FBXO44: variants seen among roughly 807,000 people sequenced by gnomAD.
FBXO44 encodes the protein F-box only protein 44.
In FBXO44, 25 loss-of-function variants were observed where a neutral mutation model predicts 33.5. The observed-to-expected ratio is 0.75, with a 90% CI of 0.54 to 1.04. The LOEUF (loss-of-function observed/expected upper bound fraction) is 1.04, where lower values mean the gene tolerates loss of function less well. FBXO44 is among the 50% of genes least tolerant of loss of function. The pLI is 0.00. For missense variants in FBXO44, 311 were observed against 344.0 expected (o/e 0.90, Z 0.76); for synonymous variants, 147 against 152.8 (o/e 0.96, Z 0.28).
rs1283679579 is a variant in FBXO44, at chr1:11,662,093, T to G, written c.*820T>G. 2 of 151,970 alleles carry G rather than the reference T, an allele frequency of 1.3e-5. No homozygotes were observed. The highest frequency in any genetic ancestry group is 2.4e-5 in the African/African-American group (1 of 41,340). 9.4% of individuals were successfully genotyped at this position (151,970 alleles called of 1,614,324 possible). On this transcript the variant is annotated 3_prime_UTR_variant, in exon 6 of 6. Coordinates refer to ENST00000251547, the MANE Select transcript of FBXO44 (RefSeq NM_033182.7). ...GGGTTTGAAGAATCCCCTGTCCACC[T>G]CCCAAATCCAGGCCCGGCCCCCTCT...
chr1:11,656,158 T>C (rs1013810523), intron 2 of FBXO44, 58 bp downstream of exon 2: 3 of 1,587,338 alleles, frequency 1.9e-6, no homozygotes, highest in Non-Finnish European at 2.6e-6. Flanking sequence ...ACCAGGAACA[T>C]GTATTGAGCA....
intron 3 of FBXO44, 28 bp from the exon 4 acceptor site, chr1:11,658,505 C>G (rs748800749): frequency 1.2e-5 from 19 of 1,607,646 alleles, no homozygotes; most frequent in Non-Finnish European, 1.4e-5. Context: ...GTGAGCCCAG[C>G]CCCTCCCACC....
rs963172147 is a variant in FBXO44, at chr1:11,656,367, G to A, written c.265+267G>A. Reference sequence around the variant, plus strand: ...GTTTCACTCTGTCACCCAGGCTGGAGTACAGTGACACAATCTTGGCTCACT... The same window carrying A: ...GTTTCACTCTGTCACCCAGGCTGGAATACAGTGACACAATCTTGGCTCACT... On this transcript the variant is annotated intron_variant, in intron 2 of 5. Coordinates refer to ENST00000251547, the MANE Select transcript of FBXO44 (RefSeq NM_033182.7). 2.2e-5 allele frequency among the ~76,000 whole-genome samples: 3 copies of A among 136,726 alleles called. 1 individual carries two copies. The highest frequency in any genetic ancestry group is 2.1e-4 in the East Asian group (1 of 4,716). The allele number at this position is 136,726 out of a possible 152,430, so 89.7% of individuals were successfully genotyped here. A position where few individuals can be genotyped will look rare whatever the true frequency, so the allele number is the denominator to read the frequency against.
At position 11,661,071 on chromosome 1, in the gene FBXO44, C is replaced by T. The variant is rs1033408419; in HGVS notation, c.625-59C>T. ...GTACTGGGATTCCCGGTGTGAGCCG[C>T]CACACCCAGCCTGAGTCAGCTCCCT... is the stretch of plus-strand genomic sequence containing the variant. On this transcript the variant is annotated intron_variant, in intron 5 of 5. Transcript: ENST00000251547. The surrounding 1 kb of genome is among the most constrained non-coding windows in gnomAD (Gnocchi z 4.4). 1 of 1,529,954 alleles carries T rather than the reference C, an allele frequency of 6.5e-7. No homozygotes were observed. The allele number at this position is 1,529,954 out of a possible 1,614,324, so 94.8% of individuals were successfully genotyped here. A position where few individuals can be genotyped will look rare whatever the true frequency, so the allele number is the denominator to read the frequency against.
chr1:11,655,750 T>C, intron 1 of FBXO44, 56 bp from the exon 2 acceptor site: 36 of 1,554,626 alleles, frequency 2.3e-5, no homozygotes, highest in Non-Finnish European at 3.0e-5. Context: ...GGCACCATGC[T>C]CTCCCGAGAT....
chr1:11,661,986 A>T lies in FBXO44; in HGVS notation c.*713A>T, dbSNP rs946382116. 6.6e-6 allele frequency: 1 copy of T among 152,470 alleles called. No homozygotes were observed. The highest frequency in any genetic ancestry group is 1.5e-5 in the Non-Finnish European group (1 of 68,266). 9.4% of individuals were successfully genotyped at this position (152,470 alleles called of 1,614,324 possible). ...CCAGAGGACTGAGGGAATCCTGTACAGGATGTCCCAGGGTAGATGGGGAGC... is the reference window on the plus strand; with the variant it reads ...CCAGAGGACTGAGGGAATCCTGTACTGGATGTCCCAGGGTAGATGGGGAGC... On this transcript the variant is annotated 3_prime_UTR_variant, in exon 6 of 6. Transcript: ENST00000251547. This position sits in a 1 kb window ranked among gnomAD's most constrained non-coding sequence, Gnocchi z 4.4.
At chr1:11,656,878 G>A (rs923903349) in intron 2 of FBXO44, among the ~76,000 whole-genome samples, 2 of 152,210 alleles carry the variant, frequency 1.3e-5, no homozygotes, top group African/African-American at 4.8e-5. Flanking sequence ...GCCATATTTT[G>A]TTGGCCTAGT....
At chr1:11,655,639 C>T in intron 1 of FBXO44, 167 bp from the exon 2 acceptor site, 2 of 656,694 alleles carry the variant, frequency 3.0e-6, no homozygotes, top group Non-Finnish European at 5.1e-6. Flanking sequence ...TCAGAGCTCA[C>T]CTTTTATTAA....
chr1:11,658,855 A>T lies in FBXO44; in HGVS notation c.608A>T (p.Asp203Val). ...PDPATIQQKS[D>V]AKWREVSHTF... is the part of the protein sequence containing the mutation. ...CCGGCGACCATCCAGCAGAAGAGCG[A>T]TGCCAAGTGGAGGGAGGTGCGTGGG... The change falls in exon 5 of 6, where the codon GAT becomes GTT. Residue 203 changes from aspartate to valine, a missense_variant. Asp to Val is a radical substitution (Grantham distance 152). Coordinates refer to ENST00000251547, the MANE Select transcript of FBXO44 (RefSeq NM_033182.7). The T allele has an allele frequency of 6.2e-7, 1 of 1,608,932 alleles. No individual in the cohort carries two copies. Among genetic ancestry groups the T allele is most frequent in the Non-Finnish European group, 8.5e-7 (1 of 1,179,958 alleles).
At position 11,658,765 on chromosome 1, in the gene FBXO44, A is replaced by G. The variant is rs771989360; in HGVS notation, c.518A>G (p.Lys173Arg). The change falls in exon 5 of 6, where the codon AAG becomes AGG. Residue 173 changes from lysine to arginine, a missense_variant. By Grantham distance (26) the Lys-to-Arg change is conservative. Transcript: ENST00000251547. ...GCAGCCAGGCCAGATTGCGGGTCCA[A>G]GTACCAGCTGTGCGTTCAGCTCCTG... The part of the protein sequence containing the change: ...WFAARPDCGS[K>R]YQLCVQLLSS... 6.2e-7 allele frequency: 1 copy of G among 1,614,012 alleles called. No homozygotes were observed. Among genetic ancestry groups the G allele is most frequent in the Non-Finnish European group, 8.5e-7 (1 of 1,179,984 alleles).
chr1:11,655,841 T>G lies in FBXO44; in HGVS notation c.6T>G (p.Ala2=). 6.2e-7 allele frequency: 1 copy of G among 1,613,544 alleles called. No individual in the cohort carries two copies. The highest frequency in any genetic ancestry group is 8.5e-7 in the Non-Finnish European group (1 of 1,179,754). The part of the protein sequence containing the change: M[A]VGNINELPEN... ...GTGTCCAGAAGCCACAAGCCATGGC[T>G]GTGGGGAACATCAACGAGCTGCCCG... Residue 2 remains alanine (A), a synonymous_variant, in exon 2 of 6, where the codon GCT becomes GCG. Transcript: ENST00000251547.
chr1:11,655,042 C>G (rs1639676851), intron 1 of FBXO44, 90 bp downstream of exon 1: 1 of 152,384 alleles, frequency 6.6e-6, no homozygotes, highest in African/African-American at 2.4e-5. Context: ...CCGGGTCGCG[C>G]CGCAGTTGCC....
chr1:11,656,128 C>T (rs753964776), intron 2 of FBXO44, 28 bp downstream of exon 2: 2 of 1,607,662 alleles, frequency 1.2e-6, no homozygotes, highest in Non-Finnish European at 1.7e-6. Flanking sequence ...TCTGGCATGC[C>T]TCCAGTACAC....
chr1:11,655,130 G>A (rs1231515528), intron 1 of FBXO44, among the ~76,000 whole-genome samples, 178 bp downstream of exon 1: 1 of 151,960 alleles, frequency 6.6e-6, no homozygotes, highest in Non-Finnish European at 1.5e-5. Flanking sequence ...ACGGGGGCTG[G>A]GGTCGCCATC....
chr1:11,661,219 G>A lies in FBXO44; in HGVS notation c.714G>A (p.Trp238Ter). The change falls in exon 6 of 6, where the codon TGG (tryptophan) becomes TGA (stop). Residue 238 changes from tryptophan to a stop codon, truncating the protein, a stop_gained. Coordinates refer to ENST00000251547, the MANE Select transcript of FBXO44 (RefSeq NM_033182.7). LOFTEE classifies it high-confidence loss of function. The surrounding 1 kb of genome is among the most constrained non-coding windows in gnomAD (Gnocchi z 4.4). ...TGGACACTCATTACTGGGCCGGCTG[G>A]TACGGCCCGAGGGTCACCAACAGCA... ...GGVDTHYWAG[W>*]YGPRVTNSSI... The A allele has an allele frequency of 6.2e-7, 1 of 1,614,116 alleles. No homozygotes were observed. Among genetic ancestry groups the A allele is most frequent in the South Asian group, 1.1e-5 (1 of 91,072 alleles).
At chr1:11,658,021 A>G (rs1300913991) in intron 2 of FBXO44, among the ~76,000 whole-genome samples, 1 of 152,206 alleles carries the variant, frequency 6.6e-6, no homozygotes. Context: ...AGCGTTCTCC[A>G]TCACAGAAGA....
At chr1:11,657,494 CT>C (rs1203955782) in intron 2 of FBXO44, among the ~76,000 whole-genome samples, 1 of 152,142 alleles carries the variant, frequency 6.6e-6, no homozygotes, top group Non-Finnish European at 1.5e-5. Flanking sequence ...AATCCCAGCA[CT>C]TTGGGAGGCC....
chr1:11,661,455 G>C lies in FBXO44; in HGVS notation c.*182G>C, dbSNP rs1640186085. On this transcript the variant is annotated 3_prime_UTR_variant, in exon 6 of 6. Transcript: ENST00000251547. The surrounding 1 kb of genome is among the most constrained non-coding windows in gnomAD (Gnocchi z 4.4). Reference sequence around the variant, plus strand: ...GCCCTCGCATGCTGGGGTCGGGCCAGCTCTCCCCGAAAGGTCTTGACCTGA... The same window carrying C: ...GCCCTCGCATGCTGGGGTCGGGCCACCTCTCCCCGAAAGGTCTTGACCTGA... The C allele has an allele frequency of 2.3e-6, 2 of 865,204 alleles. No homozygotes were observed. The highest frequency in any genetic ancestry group is 5.8e-5 in the Admixed American group (2 of 34,376). 53.6% of individuals were successfully genotyped at this position (865,204 alleles called of 1,614,324 possible). A position where few individuals can be genotyped will look rare whatever the true frequency, so the allele number is the denominator to read the frequency against.
Position 11,661,229 on chromosome 1 carries a change from A to C in FBXO44, c.724A>C (p.Arg242=), listed in dbSNP as rs755226135. 8.7e-6 allele frequency: 14 copies of C among 1,613,932 alleles called. No homozygotes were observed. The highest frequency in any genetic ancestry group is 5.0e-5 in the Admixed American group (3 of 59,996). Residue 242 remains arginine, a synonymous_variant, in exon 6 of 6, where the codon AGG becomes CGG. Coordinates refer to ENST00000251547, the MANE Select transcript of FBXO44 (RefSeq NM_033182.7). This position sits in a 1 kb window ranked among gnomAD's most constrained non-coding sequence, Gnocchi z 4.4. ...THYWAGWYGP[R]VTNSSITIGP... is the part of the protein sequence containing the mutation. Reference sequence around the variant, plus strand: ...TTACTGGGCCGGCTGGTACGGCCCGAGGGTCACCAACAGCAGCATCACCAT... The same window carrying C: ...TTACTGGGCCGGCTGGTACGGCCCGCGGGTCACCAACAGCAGCATCACCAT...
Sources: allele counts gnomAD v4.1 joint callset (sites outside exome capture counted in the v4.1 genomes callset), GRCh38; gene constraint gnomAD v4.1.1; non-coding constraint Gnocchi (gnomAD v3.1); transcripts MANE v1.5; gene names NCBI Gene and HGNC (gene_info 2026-07-23, HGNC 2026-07-21).